Variants in WDFY3 observed in about 807,000 individuals in gnomAD.
WDFY3 encodes the protein WD repeat and FYVE domain containing 3, also known as WD repeat and FYVE domain-containing protein 3.
A neutral mutation model predicts 409.6 loss-of-function variants in WDFY3; 66 were observed. The observed-to-expected ratio is 0.16, with a 90% CI of 0.13 to 0.20. WDFY3 has a LOEUF of 0.20. Ranked by LOEUF, WDFY3 falls within the 10% of genes least tolerant of loss-of-function variation. The pLI is 1.00. For missense variants in WDFY3, 3,031 were observed against 4,298.1 expected, an observed-to-expected ratio of 0.71 and a Z score of 8.24; for synonymous variants, 1,521 against 1,537.1, an observed-to-expected ratio of 0.99 and a Z score of 0.25.
intron 50 of WDFY3, among the ~76,000 whole-genome samples, chr4:84,714,128 T>C (rs1733419646): frequency 6.7e-6 from 1 of 150,056 alleles, no homozygotes; most frequent in Non-Finnish European, 1.5e-5. Context: ...AAAAAAAAAA[T>C]CATTATTATT....
intron 8 of WDFY3, among the ~76,000 whole-genome samples, chr4:84,829,864 G>A (rs1336672425): frequency 8.5e-6 from 1 of 118,332 alleles, no homozygotes; most frequent in African/African-American, 3.2e-5. Flanking sequence ...AGAGACTATA[G>A]ACCAATGAGA....
chr4:84,785,869 A>G (rs1393898111), intron 24 of WDFY3, 110 bp downstream of exon 24: 3 of 1,337,718 alleles, frequency 2.2e-6, no homozygotes, highest in Non-Finnish European at 3.1e-6. Context: ...CAATACATGA[A>G]AGGCATGATT....
At chr4:84,924,593 T>C (rs542229516) in intron 2 of WDFY3, among the ~76,000 whole-genome samples, 12 of 152,332 alleles carry the variant, frequency 7.9e-5, no homozygotes, top group South Asian at 2.1e-4. Flanking sequence ...AGAAGTTAAG[T>C]AGCCCAAGGT....
chr4:84,873,407 C>T (rs535644753), intron 3 of WDFY3, among the ~76,000 whole-genome samples: 1 of 152,262 alleles, frequency 6.6e-6, no homozygotes, highest in Admixed American at 6.5e-5. Flanking sequence ...GGTCCAAAGA[C>T]TGGTCAAGAG....
rs542446825 is a variant in WDFY3 at position 84,946,786 on chromosome 4, G to A, written c.-225-14423C>T. On this transcript the variant is annotated intron_variant, in intron 1 of 67. Transcript: ENST00000295888. ...GTACAGACAGACACCTGATCTGAAC[G>A]AGGTTAATTTAATCCTTTCATTTTT... Among the ~76,000 whole-genome samples the A allele has an allele frequency of 2.6e-5, 4 of 152,042 alleles. No individual in the cohort carries two copies. In the South Asian group the frequency reaches 6.2e-4, roughly 24 times the overall value.
At chr4:84,887,146 T>C (rs1764349176) in intron 3 of WDFY3, among the ~76,000 whole-genome samples, 1 of 152,118 alleles carries the variant, frequency 6.6e-6, no homozygotes, top group African/African-American at 2.4e-5. Flanking sequence ...TCGTGGAGTT[T>C]AGAAACTGAG....
chr4:84,933,121 C>T (rs1443082161), intron 1 of WDFY3, among the ~76,000 whole-genome samples: 1 of 151,984 alleles, frequency 6.6e-6, no homozygotes, highest in African/African-American at 2.4e-5. Context: ...AATGTTATAC[C>T]AAAGAATAGC....
chr4:84,750,122 T>C (rs1232648183), intron 36 of WDFY3, among the ~76,000 whole-genome samples: 1 of 152,182 alleles, frequency 6.6e-6, no homozygotes, highest in Non-Finnish European at 1.5e-5. Flanking sequence ...TATCCTATTA[T>C]TTTCCAATAA....
At chr4:84,683,096 G>A (rs1727675001) in intron 63 of WDFY3, 1 of 152,654 alleles carries the variant, frequency 6.6e-6, no homozygotes, top group Non-Finnish European at 1.5e-5. Context: ...AGGGCATACA[G>A]TAAACAGAAT....
chr4:84,940,347 CAATACTAATTTA>C (rs1561123286), intron 1 of WDFY3, among the ~76,000 whole-genome samples: 1 of 151,908 alleles, frequency 6.6e-6, no homozygotes, highest in Non-Finnish European at 1.5e-5. Flanking sequence ...AATGGGGGTA[CAATACTAATTTA>C]AAATACATTC....
intron 50 of WDFY3, 50 bp downstream of exon 50, chr4:84,715,248 C>T (rs892184955): frequency 9.8e-7 from 1 of 1,019,104 alleles, no homozygotes. Context: ...AAGATTCCCC[C>T]TCCCATATCT....
At chr4:84,806,692 C>T (rs542221910) in intron 15 of WDFY3, among the ~76,000 whole-genome samples, 2 of 152,132 alleles carry the variant, frequency 1.3e-5, no homozygotes, top group East Asian at 1.9e-4. Context: ...CTGCAACCTC[C>T]GCCTCCTTCG....
chr4:84,777,012 G>A (rs182150819), intron 27 of WDFY3, among the ~76,000 whole-genome samples: 2 of 152,136 alleles, frequency 1.3e-5, no homozygotes, highest in East Asian at 1.9e-4. Flanking sequence ...GGCAGACTAC[G>A]AAATGTGAAA....
At chr4:84,921,741 T>C (rs1424578719) in intron 2 of WDFY3, among the ~76,000 whole-genome samples, 2 of 125,074 alleles carry the variant, frequency 1.6e-5, no homozygotes, top group East Asian at 5.5e-4. Context: ...CACTGCAACC[T>C]CCACCTCCTG....
intron 15 of WDFY3, chr4:84,804,121 T>C (rs550878359): frequency 7.0e-4 from 106 of 152,380 alleles, no homozygotes; most frequent in African/African-American, 2.4e-3. Flanking sequence ...AAAAAGTTTC[T>C]ATGAATTAGA....
chr4:84,708,244 A>G, intron 53 of WDFY3, among the ~76,000 whole-genome samples: 1 of 152,220 alleles, frequency 6.6e-6, no homozygotes. Flanking sequence ...AGTATAAAAA[A>G]TTTCTTTTAT....
Position 84,709,365 on chromosome 4 carries a change from T to C in WDFY3, c.8043-18A>G, listed in dbSNP as rs779980926. On this transcript the variant is annotated intron_variant, in intron 51 of 67. Coordinates refer to ENST00000295888, the MANE Select transcript of WDFY3 (RefSeq NM_014991.6). ...ACCCAGATCTAAAAGCAATACATAATACAATAAATTACAAGCAATAAAATT... is the reference window on the plus strand; with the variant it reads ...ACCCAGATCTAAAAGCAATACATAACACAATAAATTACAAGCAATAAAATT... 1 of 1,575,740 alleles carries C rather than the reference T, an allele frequency of 6.3e-7. No homozygotes were observed. The highest frequency in any genetic ancestry group is 8.6e-7 in the Non-Finnish European group (1 of 1,164,326).
chr4:84,872,948 A>G (rs1451258362), intron 3 of WDFY3, among the ~76,000 whole-genome samples: 1 of 152,182 alleles, frequency 6.6e-6, no homozygotes, highest in African/African-American at 2.4e-5. Flanking sequence ...AAAAAGAGGC[A>G]TTATATACCG....
chr4:84,709,938 T>C (rs1294083538), intron 51 of WDFY3, among the ~76,000 whole-genome samples: 2 of 152,166 alleles, frequency 1.3e-5, no homozygotes, highest in African/African-American at 2.4e-5. Context: ...GTTGGCCAGG[T>C]CTCGACCTCC....
Sources: gnomAD v4.1 joint callset for allele counts (sites outside exome capture counted in the v4.1 genomes callset) on GRCh38, gnomAD v4.1.1 for gene constraint, MANE v1.5 for transcripts, NCBI Gene and HGNC (gene_info 2026-07-23, HGNC 2026-07-21) for gene names.